The following ITSN1 variants were observed in gnomAD, a reference collection of about 807,000 sequenced individuals.
The protein encoded by ITSN1 is intersectin 1.
A neutral mutation model predicts 239.8 loss-of-function variants in ITSN1; 58 were observed. The observed-to-expected ratio is 0.24, with a 90% CI of 0.20 to 0.30. ITSN1 has a LOEUF of 0.30. Among genes scored for constraint, ITSN1 ranks in the 10% least tolerant of loss-of-function variants. ITSN1 has a pLI of 1.00. For missense variants in ITSN1, 1,558 were observed against 2,103.3 expected, an observed-to-expected ratio of 0.74 and a Z score of 5.07; for synonymous variants, 780 against 770.8, an observed-to-expected ratio of 1.01 and a Z score of -0.20.
intron 27 of ITSN1, among the ~76,000 whole-genome samples, chr21:33,833,154 C>T (rs1015488161): frequency 5.3e-5 from 8 of 152,142 alleles, no homozygotes; most frequent in South Asian, 2.1e-4. Context: ...CTGCAAAACC[C>T]GCCTCACCAA....
chr21:33,815,493 A>G (rs945375555), intron 22 of ITSN1, among the ~76,000 whole-genome samples: 4 of 152,290 alleles, frequency 2.6e-5, no homozygotes, highest in African/African-American at 7.2e-5. Flanking sequence ...TGTGACAGGT[A>G]GAGCTTTGTA....
chr21:33,677,464 C>G (rs553246941), intron 1 of ITSN1, among the ~76,000 whole-genome samples: 1 of 152,072 alleles, frequency 6.6e-6, no homozygotes, highest in East Asian at 1.9e-4. Context: ...CTCAACCTCC[C>G]GAGTACCTGG....
At chr21:33,750,403 G>A (rs373925037) in intron 6 of ITSN1, 81 bp downstream of exon 6, 4 of 1,254,928 alleles carry the variant, frequency 3.2e-6, no homozygotes, top group African/African-American at 1.5e-5. Context: ...TTCTCTTCAC[G>A]TTCTGATTAT....
At chr21:33,886,259 AC>A (rs1158803445) in intron 38 of ITSN1, 27 bp from the exon 39 acceptor site, 1 of 1,585,456 alleles carries the variant, frequency 6.3e-7, no homozygotes, top group Non-Finnish European at 8.6e-7. Flanking sequence ...TGTGAGTTCC[AC>A]CTGGCGAAGG....
Position 33,673,371 on chromosome 21 carries a change from G to C in ITSN1, c.-33+30658G>C, listed in dbSNP as rs557122952. Among the ~76,000 whole-genome samples, 5 of 152,294 alleles carry C rather than the reference G, an allele frequency of 3.3e-5. No homozygotes were observed. The South Asian group carries it at 1.0e-3, about 32-fold the overall frequency. ...TGTATTGGAAAATTTGCTGAGAGTA[G>C]ATTTCAGGTACTCTTAACACACACA... is the stretch of plus-strand genomic sequence containing the variant. On this transcript the variant is annotated intron_variant, in intron 1 of 39. Coordinates refer to ENST00000381318, the MANE Select transcript of ITSN1 (RefSeq NM_003024.3).
intron 17 of ITSN1, among the ~76,000 whole-genome samples, chr21:33,795,948 T>TTA (rs1174964494): frequency 1.8e-4 from 6 of 32,632 alleles, no homozygotes; most frequent in African/African-American, 5.9e-4. Flanking sequence ...TATAAAGTAA[T>TTA]TCTTTTTTTT....
chr21:33,887,725 C>A (rs188911672), intron 39 of ITSN1, among the ~76,000 whole-genome samples: 8 of 152,240 alleles, frequency 5.3e-5, no homozygotes, highest in Admixed American at 5.2e-4. Flanking sequence ...CCTGCCTCAG[C>A]CTCCTAAGTA....
In ITSN1 at chr21:33,782,021, C is replaced by G; in HGVS notation, c.1712C>G (p.Ala571Gly). The change falls in exon 16 of 40, where the codon GCC becomes GGC. Residue 571 changes from alanine to glycine, a missense_variant. Ala to Gly is a moderately conservative substitution (Grantham distance 60, BLOSUM62 0). Transcript: ENST00000381318. Reference sequence around the variant, plus strand: ...GATTCACTTGTTACACTTAAAAGAGCCTTAGAAGCAAAAGAACTAGCTCGG... The same window carrying G: ...GATTCACTTGTTACACTTAAAAGAGGCTTAGAAGCAAAAGAACTAGCTCGG... ...HRDSLVTLKRALEAKELARQH... is the reference protein window; with the variant it reads ...HRDSLVTLKRGLEAKELARQH... The G allele has an allele frequency of 6.2e-7, 1 of 1,612,260 alleles. No individual in the cohort carries two copies. Among genetic ancestry groups the G allele is most frequent in the Non-Finnish European group, 8.5e-7 (1 of 1,179,564 alleles).
At chr21:33,847,422 T>C (rs1448946167) in intron 29 of ITSN1, among the ~76,000 whole-genome samples, 2 of 152,272 alleles carry the variant, frequency 1.3e-5, no homozygotes, top group Admixed American at 6.5e-5. Flanking sequence ...CCCTCAGGCC[T>C]GCCCTTTGAA....
intron 16 of ITSN1, among the ~76,000 whole-genome samples, chr21:33,783,726 T>G (rs1443853463): frequency 6.6e-6 from 1 of 151,754 alleles, no homozygotes; most frequent in Non-Finnish European, 1.5e-5. Flanking sequence ...TTGCAAAGCC[T>G]ATGTTGCTTT....
chr21:33,799,003 G>T (rs2071772298), intron 18 of ITSN1, among the ~76,000 whole-genome samples: 1 of 152,096 alleles, frequency 6.6e-6, no homozygotes, highest in Non-Finnish European at 1.5e-5. Flanking sequence ...AGGAAATCTT[G>T]CATGTCATAC....
At chr21:33,666,656 G>T (rs938900016) in intron 1 of ITSN1, among the ~76,000 whole-genome samples, 12 of 152,198 alleles carry the variant, frequency 7.9e-5, no homozygotes, top group African/African-American at 2.7e-4. Context: ...TGAAAGCCAT[G>T]AGAGTTTTAA....
chr21:33,818,175 T>C, intron 22 of ITSN1, 92 bp from the exon 23 acceptor site: 2 of 1,019,344 alleles, frequency 2.0e-6, no homozygotes, highest in Non-Finnish European at 3.0e-6. Context: ...TTGTCTGGCC[T>C]GTGCTTGTTG....
chr21:33,646,013 C>A (rs2146049697), intron 1 of ITSN1, among the ~76,000 whole-genome samples: 1 of 152,264 alleles, frequency 6.6e-6, no homozygotes, highest in South Asian at 2.1e-4. Flanking sequence ...TGGAGGAACT[C>A]AATTAAACAT....
In ITSN1 at chr21:33,774,834, C is replaced by T. The variant is rs1206450395; in HGVS notation, c.1411C>T (p.Leu471=). ...RNKEQEDIVV[L]KAKKKTLEFE... ...CAAAGAACAAGAGGACATAGTTGTACTGAAAGCAAAGAAAAAGACTTTGGA... is the reference window on the plus strand; with the variant it reads ...CAAAGAACAAGAGGACATAGTTGTATTGAAAGCAAAGAAAAAGACTTTGGA... Residue 471 remains leucine (L), a synonymous_variant, in exon 13 of 40, where the codon CTG becomes TTG. Coordinates refer to ENST00000381318, the MANE Select transcript of ITSN1 (RefSeq NM_003024.3). 1.9e-6 allele frequency: 3 copies of T among 1,613,430 alleles called. No individual in the cohort carries two copies. The highest frequency in any genetic ancestry group is 3.3e-5 in the Admixed American group (2 of 59,912).
At chr21:33,662,446 C>G (rs147117651) in intron 1 of ITSN1, among the ~76,000 whole-genome samples, 1 of 152,114 alleles carries the variant, frequency 6.6e-6, no homozygotes, top group Non-Finnish European at 1.5e-5. Flanking sequence ...CCTTCTTATA[C>G]CTAATTAAAT....
intron 29 of ITSN1, among the ~76,000 whole-genome samples, chr21:33,848,577 CT>C (rs2075056082): frequency 6.6e-6 from 1 of 152,214 alleles, no homozygotes; most frequent in Non-Finnish European, 1.5e-5. Context: ...CGCCCTGTGC[CT>C]CAGTTTCCCT....
chr21:33,754,274 A>G lies in ITSN1; in HGVS notation c.624-1023A>G, dbSNP rs895631176. ...TAAAAATTGAAAAAGGTGAATTCATATAAGTACTTCTCGAGTGTTTGGGAG... is the reference window on the plus strand; with the variant it reads ...TAAAAATTGAAAAAGGTGAATTCATGTAAGTACTTCTCGAGTGTTTGGGAG... On this transcript the variant is annotated intron_variant, in intron 7 of 39. Transcript: ENST00000381318. 5 of 152,348 alleles carry G rather than the reference A, an allele frequency of 3.3e-5. No homozygotes were observed. The East Asian group carries it at 7.7e-4, about 23-fold the overall frequency. The allele number at this position is 152,348 out of a possible 1,614,324, so 9.4% of individuals were successfully genotyped here.
intron 21 of ITSN1, among the ~76,000 whole-genome samples, chr21:33,812,743 C>G (rs2072999201): frequency 6.6e-6 from 1 of 152,156 alleles, no homozygotes; most frequent in Non-Finnish European, 1.5e-5. Flanking sequence ...AAGTGATCCT[C>G]CTGCCTTGGC....
Sources: allele counts gnomAD v4.1 joint callset (sites outside exome capture counted in the v4.1 genomes callset), GRCh38; gene constraint gnomAD v4.1.1; transcripts MANE v1.5; gene names NCBI Gene and HGNC (gene_info 2026-07-23, HGNC 2026-07-21).